SCUBE1: variants seen among roughly 807,000 people sequenced by gnomAD.
SCUBE1 encodes the protein signal peptide, CUB domain and EGF like domain containing 1, also known as signal peptide, CUB and EGF-like domain-containing protein 1.
SCUBE1 carries 59 observed loss-of-function variants against 124.4 expected under a neutral mutation model. The observed-to-expected ratio is 0.47, with a 90% confidence interval of 0.38 to 0.59. The LOEUF is 0.59. Ranked by LOEUF, SCUBE1 falls within the 20% of genes least tolerant of loss-of-function variation. SCUBE1 has a pLI of 0.00. For missense variants in SCUBE1, 1,150 were observed against 1,371.2 expected (o/e 0.84, Z 2.55); for synonymous variants, 545 against 550.9 (o/e 0.99, Z 0.15).
chr22:43,226,610 C>G (rs139011), intron 10 of SCUBE1, among the ~76,000 whole-genome samples: 111,974 of 137,044 alleles, frequency 0.82, 43,866 homozygotes, highest in African/African-American at 0.92. Flanking sequence ...GAGGAGTTAC[C>G]GGGGTTGGAA....
chr22:43,206,341 A>C (rs1000859104), intron 21 of SCUBE1, among the ~76,000 whole-genome samples: 6 of 150,188 alleles, frequency 4.0e-5, no homozygotes, highest in African/African-American at 1.2e-4. Flanking sequence ...GAACACCTCC[A>C]AACTCACCAC....
intron 10 of SCUBE1, among the ~76,000 whole-genome samples, chr22:43,223,538 GGAACGGCGCTAAAT>G (rs1432933527): frequency 1.3e-5 from 2 of 152,230 alleles, no homozygotes; most frequent in African/African-American, 4.8e-5. Flanking sequence ...ACTGGGGAAA[GGAACGGCGCTAAAT>G]GAACACTGGC....
Position 43,343,350 on chromosome 22 carries a change from G to T in SCUBE1, c.-89C>A. On this transcript the variant is annotated 5_prime_UTR_variant, in exon 1 of 22. Coordinates refer to ENST00000360835, the MANE Select transcript of SCUBE1 (RefSeq NM_173050.5). ...CTCCCGCAGGCGCTGCTCGCTGCTC[G>T]CCGCTCCGCCACCGCTCGGGCTCCC... The T allele has an allele frequency of 1.7e-6, 1 of 581,742 alleles. No homozygotes were observed. The highest frequency in any genetic ancestry group is 2.2e-6 in the Non-Finnish European group (1 of 449,322). The allele number at this position is 581,742 out of a possible 1,614,324, so 36.0% of individuals were successfully genotyped here.
At chr22:43,292,580 C>CACAG (rs1925404953) in intron 3 of SCUBE1, among the ~76,000 whole-genome samples, 1 of 151,990 alleles carries the variant, frequency 6.6e-6, no homozygotes, top group Admixed American at 6.6e-5. Context: ...CACACACACA[C>CACAG]ACACACACAC....
chr22:43,233,046 C>T (rs1280942157), intron 7 of SCUBE1, among the ~76,000 whole-genome samples: 2 of 152,214 alleles, frequency 1.3e-5, no homozygotes, highest in Non-Finnish European at 1.5e-5. Flanking sequence ...GGTTTTATTT[C>T]TACACTGCAG....
chr22:43,222,186 G>A (rs58377227), intron 12 of SCUBE1, among the ~76,000 whole-genome samples: 12,497 of 152,276 alleles, frequency 0.082, 789 homozygotes, highest in East Asian at 0.38. Flanking sequence ...CAGGAGCTAA[G>A]GCTGGCTGTG....
At chr22:43,294,543 C>G (rs1925487800) in intron 3 of SCUBE1, among the ~76,000 whole-genome samples, 1 of 152,224 alleles carries the variant, frequency 6.6e-6, no homozygotes, top group Non-Finnish European at 1.5e-5. Context: ...TTGGCACACT[C>G]TATTATGAGA....
chr22:43,342,898 C>T (rs193171249), intron 1 of SCUBE1, among the ~76,000 whole-genome samples: 631 of 151,988 alleles, frequency 4.2e-3, no homozygotes, highest in Non-Finnish European at 5.5e-3. Flanking sequence ...CGGGAACCGC[C>T]GCCTTTCTTC....
In SCUBE1 at chr22:43,201,320, AAAAAAAAGAAAACAAAAAAAGAAAAC is replaced by A. The variant is rs1336210588; in HGVS notation, c.*2651_*2676del. ...CTCCATCTCAAAAAAAAAAAAAAAA[AAAAAAAAGAAAACAAAAAAAGAAAAC>A]AAAAAACAAAACAAAAAAAACAAAA... is the stretch of plus-strand genomic sequence containing the variant. On this transcript the variant is annotated 3_prime_UTR_variant, in exon 22 of 22. Transcript: ENST00000360835. 2 of 148,644 alleles carry A rather than the reference AAAAAAAAGAAAACAAAAAAAGAAAAC, an allele frequency of 1.3e-5. No individual in the cohort carries two copies. Among genetic ancestry groups the A allele is most frequent in the East Asian group, 1.9e-4 (1 of 5,180 alleles). 9.2% of individuals were successfully genotyped at this position (148,644 alleles called of 1,614,324 possible). A position where few individuals can be genotyped will look rare whatever the true frequency, so the allele number is the denominator to read the frequency against.
At chr22:43,268,489 C>T (rs1924163359) in intron 4 of SCUBE1, among the ~76,000 whole-genome samples, 1 of 152,230 alleles carries the variant, frequency 6.6e-6, no homozygotes, top group South Asian at 2.1e-4. Context: ...CACCCAAATC[C>T]AATTACATGC....
rs72619555 is a variant in SCUBE1, at chr22:43,330,466, C to T, written c.220+8638G>A. On this transcript the variant is annotated intron_variant, in intron 2 of 21. Coordinates refer to ENST00000360835, the MANE Select transcript of SCUBE1 (RefSeq NM_173050.5). ...TGTCTTGTTTGTATTTTCATTGCTG[C>T]ACTTTCCACATCCTGTTATGATCAC... 2.6e-3 allele frequency among the ~76,000 whole-genome samples: 403 copies of T among 152,324 alleles called. 11 individuals are homozygous for T. The East Asian group carries it at 0.074, about 28-fold the overall frequency.
At position 43,266,940 on chromosome 22, in the gene SCUBE1, TC is replaced by T. The variant is rs1341660592; in HGVS notation, c.485-4096del. The stretch of plus-strand genomic sequence containing the variant: ...AGGCCCTGAGTGTGAGGACAAAGCC[TC>T]CGCTCCCCTGCAGCACAGGATGTCT... On this transcript the variant is annotated intron_variant, in intron 4 of 21. Transcript: ENST00000360835. Among the ~76,000 whole-genome samples, 3 of 152,062 alleles carry T rather than the reference TC, an allele frequency of 2.0e-5. No homozygotes were observed. In the East Asian group the frequency reaches 5.8e-4, roughly 29 times the overall value.
rs1925550048 is a variant in SCUBE1, at chr22:43,296,146, G to C, written c.350-4966C>G. 2.0e-5 allele frequency among the ~76,000 whole-genome samples: 3 copies of C among 152,216 alleles called. No homozygotes were observed. The South Asian group carries it at 6.2e-4, about 32-fold the overall frequency. Reference sequence around the variant, plus strand: ...GTAGAGTGAGCGAGGCTGCTCTGTGGCCTGCACCCTACCCTGGCGACCCCA... The same window carrying C: ...GTAGAGTGAGCGAGGCTGCTCTGTGCCCTGCACCCTACCCTGGCGACCCCA... On this transcript the variant is annotated intron_variant, in intron 3 of 21. Transcript: ENST00000360835.
intron 13 of SCUBE1, 115 bp downstream of exon 13, chr22:43,221,058 A>G (rs749011555): frequency 4.8e-4 from 330 of 686,398 alleles, no homozygotes; most frequent in Admixed American, 2.5e-3. Flanking sequence ...GCCAGGTGAG[A>G]GAGACCTCCA....
At chr22:43,331,110 T>C (rs1237691465) in intron 2 of SCUBE1, among the ~76,000 whole-genome samples, 1 of 152,244 alleles carries the variant, frequency 6.6e-6, no homozygotes, top group Non-Finnish European at 1.5e-5. Flanking sequence ...AGATTTTGTT[T>C]TTCTGATGTT....
At chr22:43,338,081 G>C (rs1927143411) in intron 2 of SCUBE1, among the ~76,000 whole-genome samples, 2 of 152,304 alleles carry the variant, frequency 1.3e-5, no homozygotes, top group Middle Eastern at 6.8e-3. Context: ...AGGGGTGTCT[G>C]TCTGTCTCGG....
intron 14 of SCUBE1, 144 bp downstream of exon 14, chr22:43,220,306 G>C: frequency 1.1e-6 from 1 of 934,218 alleles, no homozygotes; most frequent in South Asian, 1.6e-5. Flanking sequence ...GCCTGCCTCT[G>C]TCTCCAGAAG....
At chr22:43,273,755 T>C (rs1924386843) in intron 4 of SCUBE1, among the ~76,000 whole-genome samples, 2 of 151,864 alleles carry the variant, frequency 1.3e-5, no homozygotes, top group Non-Finnish European at 1.5e-5. Flanking sequence ...GTATTTTTTG[T>C]AGAGATGAGG....
At chr22:43,320,935 C>A (rs957842430) in intron 2 of SCUBE1, among the ~76,000 whole-genome samples, 1 of 152,216 alleles carries the variant, frequency 6.6e-6, no homozygotes, top group Non-Finnish European at 1.5e-5. Flanking sequence ...CCAGGCACAG[C>A]GAGAATTTGC....
Sources: allele counts gnomAD v4.1 joint callset (sites outside exome capture counted in the v4.1 genomes callset), GRCh38; gene constraint gnomAD v4.1.1; transcripts MANE v1.5; gene names NCBI Gene and HGNC (gene_info 2026-07-23, HGNC 2026-07-21).